CLASP2: variants seen among roughly 807,000 people sequenced by gnomAD.
CLASP2 encodes CLIP-associating protein 2.
CLASP2 carries 47 observed loss-of-function variants against 194.4 expected under a neutral mutation model. The observed-to-expected ratio is 0.24, with a 90% CI of 0.19 to 0.31. The LOEUF is 0.31. Ranked by LOEUF, CLASP2 falls within the 10% of genes least tolerant of loss-of-function variation. CLASP2 has a pLI of 1.00. For missense variants in CLASP2, 1,445 were observed against 1,823.6 expected (o/e 0.79, Z 3.78); for synonymous variants, 619 against 633.5 (o/e 0.98, Z 0.34).
intron 12 of CLASP2, among the ~76,000 whole-genome samples, chr3:33,615,116 G>T (rs532034181): frequency 1.3e-5 from 2 of 151,556 alleles, no homozygotes; most frequent in Non-Finnish European, 2.9e-5. Flanking sequence ...TGAAAAGTGA[G>T]AAAACACTAA....
rs962947638 is a variant in CLASP2 at position 33,663,118 on chromosome 3, C to A, written c.715+327G>T. ...AACAATTATTCTAGGTATAAAAACA[C>A]ATTGTATGCATGGAAAATGGAGGGC... On this transcript the variant is annotated intron_variant, in intron 7 of 38. Transcript: ENST00000682230. Among the ~76,000 whole-genome samples the A allele has an allele frequency of 4.1e-5, 6 of 146,812 alleles. No individual in the cohort carries two copies. In the East Asian group the frequency reaches 1.2e-3, roughly 29 times the overall value.
intron 34 of CLASP2, among the ~76,000 whole-genome samples, chr3:33,521,679 T>C (rs1400041988): frequency 1.3e-5 from 2 of 152,168 alleles, no homozygotes; most frequent in Non-Finnish European, 2.9e-5. Flanking sequence ...CTGTAAGATA[T>C]TATTGAGAGA....
rs369249929 is a variant in CLASP2, at chr3:33,577,221, G to A, written c.2348-946C>T. 36 of 1,597,468 alleles carry A rather than the reference G, an allele frequency of 2.3e-5. No homozygotes were observed. The African/African-American group carries it at 2.8e-4, about 12-fold the overall frequency. On this transcript the variant is annotated intron_variant, in intron 23 of 38. Transcript: ENST00000682230. Reference sequence around the variant, plus strand: ...CTTCACCTGAGGCCCCATACACTTCGGGGGCGTAGAGGGCACCAGTTGATC... The same window carrying A: ...CTTCACCTGAGGCCCCATACACTTCAGGGGCGTAGAGGGCACCAGTTGATC...
In CLASP2 at chr3:33,602,988, C is replaced by T. The variant is rs768458478; in HGVS notation, c.1888G>A (p.Ala630Thr). 1.9e-6 allele frequency: 3 copies of T among 1,610,512 alleles called. No individual in the cohort carries two copies. In the South Asian group the frequency reaches 3.3e-5, roughly 18 times the overall value. The change falls in exon 18 of 39, where the codon GCA becomes ACA. Residue 630 changes from alanine (A) to threonine (T), a missense_variant. Physicochemically the swap from Ala to Thr is moderately conservative, Grantham distance 58. This residue lies in a region of CLASP2 where 174 missense variants were observed against 179.0 expected (regional missense o/e 0.97). Transcript: ENST00000682230. Reference protein sequence around the residue: ...GQSVRSGRLGAGALNAGSYAS... With the variant: ...GQSVRSGRLGTGALNAGSYAS... ...TAGGAACCTGCATTCAGGGCACCTG[C>T]ACCTAAGCGCCCGCTTCGCACAGAC...
At chr3:33,633,722 G>T (rs1005121138) in intron 8 of CLASP2, among the ~76,000 whole-genome samples, 1 of 151,658 alleles carries the variant, frequency 6.6e-6, no homozygotes, top group Non-Finnish European at 1.5e-5. Flanking sequence ...GGGGTGGGGG[G>T]ATGAAACAAT....
chr3:33,513,774 C>A (rs1162689011), intron 36 of CLASP2, among the ~76,000 whole-genome samples: 1 of 152,138 alleles, frequency 6.6e-6, no homozygotes, highest in Middle Eastern at 3.4e-3. Flanking sequence ...GTGCTTATTG[C>A]CATTTGTATA....
chr3:33,580,842 C>T (rs1003269715), intron 23 of CLASP2, among the ~76,000 whole-genome samples: 19 of 151,196 alleles, frequency 1.3e-4, no homozygotes, highest in Admixed American at 4.6e-4. Flanking sequence ...GGTGAAACAC[C>T]GTCTCTACTG....
At chr3:33,637,647 G>A (rs995760061) in intron 8 of CLASP2, among the ~76,000 whole-genome samples, 4 of 152,178 alleles carry the variant, frequency 2.6e-5, no homozygotes, top group Non-Finnish European at 4.4e-5. Context: ...AAAACTAGCA[G>A]CACACTAAAA....
chr3:33,596,227 T>C (rs1356195273), intron 19 of CLASP2, among the ~76,000 whole-genome samples: 2 of 152,104 alleles, frequency 1.3e-5, no homozygotes, highest in Non-Finnish European at 2.9e-5. Flanking sequence ...AAGTTCAATT[T>C]TGACTAAATG....
intron 2 of CLASP2, among the ~76,000 whole-genome samples, chr3:33,693,656 G>C (rs1481043288): frequency 6.6e-6 from 1 of 152,096 alleles, no homozygotes; most frequent in Non-Finnish European, 1.5e-5. Context: ...GCAAAAATGG[G>C]TAAAAAGTAG....
At chr3:33,555,943 G>A (rs747109390) in intron 29 of CLASP2, among the ~76,000 whole-genome samples, 41 of 152,180 alleles carry the variant, frequency 2.7e-4, no homozygotes, top group Non-Finnish European at 2.9e-4. Context: ...ATTTGAACAT[G>A]TATATTTATT....
intron 37 of CLASP2, among the ~76,000 whole-genome samples, chr3:33,509,299 C>T (rs991304480): frequency 6.6e-6 from 1 of 152,246 alleles, no homozygotes; most frequent in Non-Finnish European, 1.5e-5. Flanking sequence ...TCACCGCCAA[C>T]TCCACCTCTC....
At chr3:33,511,036 T>C (rs1344110112) in intron 36 of CLASP2, among the ~76,000 whole-genome samples, 3 of 149,450 alleles carry the variant, frequency 2.0e-5, no homozygotes, top group Non-Finnish European at 4.5e-5. Flanking sequence ...AAGTATTTTT[T>C]TTTTTTTTTT....
At chr3:33,699,051 A>T (rs1426138957) in intron 1 of CLASP2, among the ~76,000 whole-genome samples, 4 of 152,216 alleles carry the variant, frequency 2.6e-5, no homozygotes, top group African/African-American at 9.6e-5. Flanking sequence ...AATACAAATA[A>T]TTTTTTAAAT....
At chr3:33,635,157 G>T (rs1412797925) in intron 8 of CLASP2, among the ~76,000 whole-genome samples, 2 of 151,952 alleles carry the variant, frequency 1.3e-5, no homozygotes, top group African/African-American at 4.8e-5. Flanking sequence ...CTACTTGGGA[G>T]GCTGAGGCAC....
At chr3:33,571,158 C>T (rs1254083010) in intron 25 of CLASP2, among the ~76,000 whole-genome samples, 7 of 151,464 alleles carry the variant, frequency 4.6e-5, no homozygotes, top group South Asian at 2.1e-4. Context: ...GGAGTACAGG[C>T]GCCCGCCACC....
rs150266138 is a variant in CLASP2 at position 33,529,542 on chromosome 3, A to G, written c.3787+5691T>C. ...CAAATCTGTGAGCCATTTTACATTC[A>G]TATTTGAGGAGCCATCTTCTATCAA... On this transcript the variant is annotated intron_variant, in intron 34 of 38. Transcript: ENST00000682230. Among the ~76,000 whole-genome samples, 275 of 152,268 alleles carry G rather than the reference A, an allele frequency of 1.8e-3. 2 individuals carry two copies. Among genetic ancestry groups the G allele is most frequent in the African/African-American group, 6.1e-3 (253 of 41,554 alleles).
At chr3:33,644,710 C>G (rs760641994) in intron 8 of CLASP2, 47 bp downstream of exon 8, 2 of 1,600,630 alleles carry the variant, frequency 1.2e-6, no homozygotes, top group Non-Finnish European at 1.7e-6. Flanking sequence ...GTGGCCATAT[C>G]AAGGGCATGG....
chr3:33,498,912 T>C (rs975483194), intron 38 of CLASP2, among the ~76,000 whole-genome samples, 195 bp from the exon 39 acceptor site: 2 of 151,896 alleles, frequency 1.3e-5, no homozygotes, highest in East Asian at 1.9e-4. Flanking sequence ...CTGAAAAAAA[T>C]ATAAAAAGTC....
Sources: gnomAD v4.1 joint callset for allele counts (sites outside exome capture counted in the v4.1 genomes callset) on GRCh38, gnomAD v4.1.1 for gene constraint, gnomAD v4.1.1 regional missense constraint, MANE v1.5 for transcripts, NCBI Gene and HGNC (gene_info 2026-07-23, HGNC 2026-07-21) for gene names.